The following SLC9A7 variants were observed in gnomAD, a reference collection of about 807,000 sequenced individuals.
The protein encoded by SLC9A7 is solute carrier family 9 member A7, also known as sodium/hydrogen exchanger 7.
Under a neutral mutation model 52.6 loss-of-function variants are expected in SLC9A7, and 19 were observed. The ratio of observed to expected loss-of-function variants is 0.36; its 90% confidence interval spans 0.25 to 0.53. SLC9A7 has a LOEUF of 0.53. Ranked by LOEUF, SLC9A7 falls within the 20% of genes least tolerant of loss-of-function variation. SLC9A7 has a pLI of 0.91. For synonymous variants in SLC9A7, 226 were observed against 252.1 expected (o/e 0.90, Z 0.98); for missense variants, 455 against 597.9 (o/e 0.76, Z 2.49).
At chrX:46,720,767 C>A (rs919132818) in intron 1 of SLC9A7, among the ~76,000 whole-genome samples, 1 of 111,577 alleles carries the variant, frequency 9.0e-6, no homozygotes, top group African/African-American at 3.3e-5. Flanking sequence ...CCCTCACAGC[C>A]GTGGCAGAGA....
chrX:46,708,471 A>T (rs1300105535), intron 1 of SLC9A7, among the ~76,000 whole-genome samples: 3 of 110,302 alleles, frequency 2.7e-5, no homozygotes, highest in Non-Finnish European at 5.7e-5. Flanking sequence ...CAGAGGTTGT[A>T]GTGAGACGAG....
chrX:46,753,850 G>T lies in SLC9A7; in HGVS notation c.325+4855C>A, dbSNP rs782350618. Among the ~76,000 whole-genome samples, 203 of 110,123 alleles carry T rather than the reference G, an allele frequency of 1.8e-3. 1 individual carries two copies. Among genetic ancestry groups the T allele is most frequent in the Non-Finnish European group, 3.1e-3 (165 of 52,678 alleles). On this transcript the variant is annotated intron_variant, in intron 1 of 16. Transcript: ENST00000616978. ...TACAAAAAGGAATTAGCCGGGCATG[G>T]TGGCGGGTGCCTGTAGTCCCAGCTA... is the stretch of plus-strand genomic sequence containing the variant.
At chrX:46,710,497 G>A (rs1944670709) in intron 1 of SLC9A7, among the ~76,000 whole-genome samples, 1 of 111,421 alleles carries the variant, frequency 9.0e-6, no homozygotes, top group Non-Finnish European at 1.9e-5. Flanking sequence ...TGAGCTGTTT[G>A]TATGCCCTTA....
chrX:46,619,736 CT>C (rs111516945), intron 15 of SLC9A7, among the ~76,000 whole-genome samples: 80 of 98,002 alleles, frequency 8.2e-4, no homozygotes, highest in Non-Finnish European at 1.0e-3. Flanking sequence ...TTCTTTCTTT[CT>C]TTTTTTTTTT....
At chrX:46,725,221 T>C in intron 1 of SLC9A7, 4 of 1,020,295 alleles carry the variant, frequency 3.9e-6, no homozygotes, top group Non-Finnish European at 5.5e-6. Context: ...TTGTTTTTCG[T>C]ATCAGTGGGA....
At chrX:46,696,272 G>T (rs1162808196) in intron 1 of SLC9A7, among the ~76,000 whole-genome samples, 1 of 110,910 alleles carries the variant, frequency 9.0e-6, no homozygotes, top group Admixed American at 9.7e-5. Flanking sequence ...AGACGTGAGC[G>T]ACTGCGCCCA....
chrX:46,758,947 A>AGCAGCG lies in SLC9A7; in HGVS notation c.77_82dup (p.Pro26_Leu27dup), dbSNP rs1490773156. 2 of 1,076,986 alleles carry AGCAGCG rather than the reference A, an allele frequency of 1.9e-6. No individual in the cohort carries two copies. Among genetic ancestry groups the AGCAGCG allele is most frequent in the Non-Finnish European group, 2.4e-6 (2 of 834,796 alleles). 88.8% of individuals were successfully genotyped at this position (1,076,986 alleles called of 1,213,427 possible). On this transcript the variant is annotated inframe_insertion, in exon 1 of 17. Transcript: ENST00000616978. ...CGCGACTCGCAGCCCCCAACCCAGC[A>AGCAGCG]GCAGCGGCAGCAGCAGCAGCCGCGG...
At chrX:46,697,551 T>G (rs1414419846) in intron 1 of SLC9A7, among the ~76,000 whole-genome samples, 1 of 112,108 alleles carries the variant, frequency 8.9e-6, no homozygotes, top group Admixed American at 9.5e-5. Context: ...TCATGGACAC[T>G]TATCACTTCC....
Position 46,667,708 on chromosome X carries a change from T to C in SLC9A7, c.793+1899A>G, listed in dbSNP as rs149078012. On this transcript the variant is annotated intron_variant, in intron 5 of 16. Transcript: ENST00000616978. ...TTTAAGGTTATTACTGTTCAGAATA[T>C]TAGAGGGCATTGGAGACATTGAGCA... Among the ~76,000 whole-genome samples the C allele has an allele frequency of 2.5e-3, 275 of 111,694 alleles. 4 individuals are homozygous for C. The South Asian group carries it at 0.064, about 26-fold the overall frequency.
chrX:46,654,028 C>T (rs955130503), intron 7 of SLC9A7, among the ~76,000 whole-genome samples: 1 of 110,754 alleles, frequency 9.0e-6, no homozygotes, highest in Non-Finnish European at 1.9e-5. Flanking sequence ...ATTGTGAATG[C>T]GGAATTGTGC....
At chrX:46,655,907 C>A (rs1027635712) in intron 7 of SLC9A7, among the ~76,000 whole-genome samples, 1 of 112,699 alleles carries the variant, frequency 8.9e-6, no homozygotes, top group African/African-American at 3.2e-5. Flanking sequence ...GTAGGCTCCA[C>A]CTCTGCGGGC....
At chrX:46,737,275 G>T (rs1272708911) in intron 1 of SLC9A7, among the ~76,000 whole-genome samples, 1 of 111,958 alleles carries the variant, frequency 8.9e-6, no homozygotes, top group Non-Finnish European at 1.9e-5. Flanking sequence ...CAGGAATCCT[G>T]GAGGAAAAGC....
intron 10 of SLC9A7, among the ~76,000 whole-genome samples, chrX:46,649,718 C>T (rs143861414): frequency 1.0e-3 from 113 of 112,606 alleles, no homozygotes; most frequent in African/African-American, 3.4e-3. Flanking sequence ...CAGGGTAAAG[C>T]ACTGCCTGTT....
chrX:46,705,960 C>T (rs181725508), intron 1 of SLC9A7, among the ~76,000 whole-genome samples: 2 of 110,420 alleles, frequency 1.8e-5, no homozygotes, highest in African/African-American at 6.6e-5. Context: ...AAGTTTTACA[C>T]CCAAATCTAC....
At chrX:46,714,392 A>G (rs1944737889) in intron 1 of SLC9A7, among the ~76,000 whole-genome samples, 1 of 111,210 alleles carries the variant, frequency 9.0e-6, no homozygotes, top group Admixed American at 9.6e-5. Context: ...TGTAAATAAT[A>G]TACATGCCTA....
chrX:46,619,314 A>T (rs1279776331), intron 15 of SLC9A7, among the ~76,000 whole-genome samples: 1 of 112,132 alleles, frequency 8.9e-6, no homozygotes, highest in Non-Finnish European at 1.9e-5. Context: ...GTGACTGTGT[A>T]AAGTAGTACC....
At chrX:46,638,284 C>T (rs1943352144) in intron 12 of SLC9A7, among the ~76,000 whole-genome samples, 1 of 112,106 alleles carries the variant, frequency 8.9e-6, no homozygotes, top group Non-Finnish European at 1.9e-5. Flanking sequence ...AGTTTCTACA[C>T]TTATGTAATC....
intron 5 of SLC9A7, among the ~76,000 whole-genome samples, chrX:46,667,774 C>T (rs1943944844): frequency 8.9e-6 from 1 of 112,225 alleles, no homozygotes; most frequent in Non-Finnish European, 1.9e-5. Context: ...GCAGCTCATT[C>T]TCCAGAACTT....
At chrX:46,748,578 C>T (rs2147021331) in intron 1 of SLC9A7, among the ~76,000 whole-genome samples, 2 of 105,494 alleles carry the variant, frequency 1.9e-5, no homozygotes, top group East Asian at 6.1e-4. Context: ...CACACACACA[C>T]ACACACACAC....
Sources: gnomAD v4.1 joint callset for allele counts (sites outside exome capture counted in the v4.1 genomes callset) on GRCh38, gnomAD v4.1.1 for gene constraint, MANE v1.5 for transcripts, NCBI Gene and HGNC (gene_info 2026-07-23, HGNC 2026-07-21) for gene names.